Variants in RAMP3 observed in about 807,000 individuals in gnomAD.
RAMP3 encodes the protein receptor activity modifying protein 3.
A neutral mutation model predicts 13.5 loss-of-function variants in RAMP3; 14 were observed. The ratio of observed to expected loss-of-function variants is 1.04; its 90% confidence interval spans 0.69 to 1.63. RAMP3 has a LOEUF of 1.63. Ranked by LOEUF, RAMP3 falls within the 40% of genes most tolerant of loss-of-function variation. The pLI, the probability that RAMP3 is intolerant of heterozygous loss-of-function variation, is 0.00. For synonymous variants in RAMP3, 106 were observed against 88.3 expected, an observed-to-expected ratio of 1.20 and a Z score of -1.12; for missense variants, 200 against 204.8, an observed-to-expected ratio of 0.98 and a Z score of 0.14.
intron 1 of RAMP3, among the ~76,000 whole-genome samples, chr7:45,165,871 C>T (rs1374023507): frequency 3.9e-5 from 6 of 152,218 alleles, no homozygotes; most frequent in African/African-American, 1.2e-4. Context: ...TTTAGCACTT[C>T]ACTCTTTTAT....
intron 1 of RAMP3, 135 bp downstream of exon 1, chr7:45,158,021 C>T: frequency 1.1e-6 from 1 of 884,052 alleles, no homozygotes; most frequent in African/African-American, 1.8e-5. Flanking sequence ...GCACAGTGAC[C>T]CTGGCGGGAT....
At chr7:45,164,900 C>T (rs531963889) in intron 1 of RAMP3, among the ~76,000 whole-genome samples, 10 of 152,174 alleles carry the variant, frequency 6.6e-5, no homozygotes, top group African/African-American at 2.2e-4. Flanking sequence ...ACTTTTTGTT[C>T]TTATTTGACA....
intron 1 of RAMP3, among the ~76,000 whole-genome samples, chr7:45,169,288 T>C (rs1332278337): frequency 6.6e-6 from 1 of 152,198 alleles, no homozygotes; most frequent in Non-Finnish European, 1.5e-5. Flanking sequence ...AGAGAATGAG[T>C]TGGAAGATGG....
intron 1 of RAMP3, among the ~76,000 whole-genome samples, chr7:45,168,269 G>A (rs1331580314): frequency 6.6e-6 from 1 of 151,858 alleles, no homozygotes; most frequent in Admixed American, 6.6e-5. Context: ...GGGCATGGTG[G>A]CAGGTGCCTG....
intron 2 of RAMP3, among the ~76,000 whole-genome samples, chr7:45,181,979 ACCCTT>A (rs1786324789): frequency 1.3e-5 from 2 of 152,008 alleles, no homozygotes; most frequent in Admixed American, 6.5e-5. Context: ...GGCTTCCCAG[ACCCTT>A]CCTGGGGCAT....
chr7:45,182,787 G>A (rs761904425), intron 2 of RAMP3, among the ~76,000 whole-genome samples: 2 of 152,150 alleles, frequency 1.3e-5, no homozygotes, highest in Non-Finnish European at 2.9e-5. Context: ...GGCTTTGCAG[G>A]TCCAAGCGGC....
At chr7:45,171,276 C>T (rs6952705) in intron 1 of RAMP3, among the ~76,000 whole-genome samples, 39,817 of 151,700 alleles carry the variant, frequency 0.26, 6,351 homozygotes, top group African/African-American at 0.44. Context: ...CTGCCTCAGC[C>T]TCCTGAGTAG....
intron 1 of RAMP3, among the ~76,000 whole-genome samples, chr7:45,168,606 T>C (rs1388693969): frequency 6.6e-6 from 1 of 152,124 alleles, no homozygotes; most frequent in Non-Finnish European, 1.5e-5. Flanking sequence ...TTTGTGTTAA[T>C]TTTGTATCCT....
intron 2 of RAMP3, among the ~76,000 whole-genome samples, chr7:45,179,515 A>G (rs112833636): frequency 3.3e-5 from 5 of 152,338 alleles, no homozygotes; most frequent in South Asian, 4.1e-4. Context: ...GGCAACAACT[A>G]TCTCTCATGT....
intron 1 of RAMP3, among the ~76,000 whole-genome samples, chr7:45,170,318 TTTC>T (rs146216004): frequency 0.062 from 9,436 of 151,946 alleles, 387 homozygotes; most frequent in East Asian, 0.11. Flanking sequence ...ATTTGAGATC[TTTC>T]TTCTTTATTA....
chr7:45,182,561 AC>A (rs1328439720), intron 2 of RAMP3, among the ~76,000 whole-genome samples: 1 of 152,000 alleles, frequency 6.6e-6, no homozygotes, highest in Non-Finnish European at 1.5e-5. Flanking sequence ...GGACAGGGGG[AC>A]CCACAGGAGG....
chr7:45,158,159 G>C (rs989221944), intron 1 of RAMP3, among the ~76,000 whole-genome samples: 2 of 152,222 alleles, frequency 1.3e-5, no homozygotes, highest in African/African-American at 4.8e-5. Flanking sequence ...GGTCCTTCTA[G>C]TTGTGATGTC....
chr7:45,163,739 G>A lies in RAMP3; in HGVS notation c.58+5853G>A, dbSNP rs993676895. 36 of 985,032 alleles carry A rather than the reference G, an allele frequency of 3.7e-5. No individual in the cohort carries two copies. In the African/African-American group the frequency reaches 5.6e-4, roughly 15 times the overall value. 61.0% of individuals were successfully genotyped at this position (985,032 alleles called of 1,614,324 possible). On this transcript the variant is annotated intron_variant, in intron 1 of 2. Transcript: ENST00000242249. ...CCAGAAAGGTGAAGGGCCCTGCTTG[G>A]AGTCACACAGCAAATCAGGAACTAA...
At chr7:45,166,070 C>T (rs1322301789) in intron 1 of RAMP3, among the ~76,000 whole-genome samples, 1 of 152,170 alleles carries the variant, frequency 6.6e-6, no homozygotes, top group African/African-American at 2.4e-5. Context: ...CTACGTTTAA[C>T]ATTTTGAGAA....
chr7:45,168,313 T>TGA (rs1486031691), intron 1 of RAMP3, among the ~76,000 whole-genome samples: 1 of 142,344 alleles, frequency 7.0e-6, no homozygotes, highest in Non-Finnish European at 1.5e-5. Context: ...GAGTGAGGCA[T>TGA]GAGAATCCCT....
At chr7:45,169,330 G>A (rs958552435) in intron 1 of RAMP3, among the ~76,000 whole-genome samples, 3 of 152,196 alleles carry the variant, frequency 2.0e-5, no homozygotes, top group Non-Finnish European at 2.9e-5. Context: ...TTCTGGAAGA[G>A]TTTGTGAATG....
intron 1 of RAMP3, chr7:45,163,938 G>T (rs1584065195): frequency 1.8e-5 from 17 of 966,500 alleles, no homozygotes; most frequent in Non-Finnish European, 2.0e-5. Flanking sequence ...TGATGTGAAG[G>T]TTCAGAGGGC....
At chr7:45,166,175 C>CTT (rs34697827) in intron 1 of RAMP3, among the ~76,000 whole-genome samples, 42 of 145,632 alleles carry the variant, frequency 2.9e-4, no homozygotes, top group East Asian at 2.2e-3. Flanking sequence ...CTCACTGACA[C>CTT]TTTTTTTTTT....
At chr7:45,180,494 T>C (rs1786284305) in intron 2 of RAMP3, among the ~76,000 whole-genome samples, 2 of 152,298 alleles carry the variant, frequency 1.3e-5, no homozygotes, top group East Asian at 1.9e-4. Flanking sequence ...GGGAAGACCC[T>C]ATTCCCCAAA....
Sources: allele counts gnomAD v4.1 joint callset (sites outside exome capture counted in the v4.1 genomes callset), GRCh38; gene constraint gnomAD v4.1.1; transcripts MANE v1.5; gene names NCBI Gene and HGNC (gene_info 2026-07-23, HGNC 2026-07-21).